The following NEBL variants were observed in gnomAD, a reference collection of about 807,000 sequenced individuals.
The protein encoded by NEBL is nebulette.
Under a neutral mutation model 140.2 loss-of-function variants are expected in NEBL, and 122 were observed. The observed-to-expected ratio is 0.87, with a 90% confidence interval of 0.75 to 1.01. NEBL has a LOEUF of 1.01. Ranked by LOEUF, NEBL falls within the 50% of genes least tolerant of loss-of-function variation. The pLI, the probability that NEBL is intolerant of heterozygous loss-of-function variation, is 0.00. For missense variants in NEBL, 1,365 were observed against 1,231.3 expected, an observed-to-expected ratio of 1.11 and a Z score of -1.62; for synonymous variants, 436 against 398.9, an observed-to-expected ratio of 1.09 and a Z score of -1.11.
At chr10:20,815,985 C>T (rs1838685755) in intron 21 of NEBL, among the ~76,000 whole-genome samples, 1 of 152,054 alleles carries the variant, frequency 6.6e-6, no homozygotes, top group Non-Finnish European at 1.5e-5. Context: ...CCAAGCTGAC[C>T]TGAAACTCCT....
At chr10:20,970,670 T>TATAA (rs1174447068) in intron 3 of NEBL, among the ~76,000 whole-genome samples, 1 of 151,858 alleles carries the variant, frequency 6.6e-6, no homozygotes, top group Middle Eastern at 3.4e-3. Flanking sequence ...ATTAATAGAA[T>TATAA]ATAAATAAAT....
rs182080741 is a variant in NEBL, at chr10:21,072,107, C to T, written c.165-51906G>A. On this transcript the variant is annotated intron_variant, in intron 2 of 6. Coordinates refer to the NEBL transcript ENST00000417816. ...TGCTGGGATTACAGGTATGAGCCAC[C>T]GTGCCTGGCCCATTGGTTTTTTTTT... Among the ~76,000 whole-genome samples, 128 of 152,138 alleles carry T rather than the reference C, an allele frequency of 8.4e-4. 1 individual carries two copies. Among genetic ancestry groups the T allele is most frequent in the African/African-American group, 2.9e-3 (122 of 41,502 alleles).
intron 3 of NEBL, among the ~76,000 whole-genome samples, chr10:21,239,633 C>T (rs971554259): frequency 5.9e-5 from 9 of 152,138 alleles, no homozygotes; most frequent in Non-Finnish European, 1.3e-4. Flanking sequence ...CCAGAACATT[C>T]GGGGCCTTGA....
chr10:21,172,149 C>T (rs779450353), intron 2 of NEBL: 1 of 551,708 alleles, frequency 1.8e-6, no homozygotes, highest in Non-Finnish European at 3.3e-6. Flanking sequence ...ACACTGCGAA[C>T]CTCAAAAACT....
At chr10:21,012,736 A>C (rs1424068736) in intron 3 of NEBL, among the ~76,000 whole-genome samples, 1 of 152,144 alleles carries the variant, frequency 6.6e-6, no homozygotes, top group Non-Finnish European at 1.5e-5. Flanking sequence ...GCCTAATACA[A>C]GGGCCAGTTA....
chr10:20,991,507 C>T (rs760919763), intron 3 of NEBL, among the ~76,000 whole-genome samples: 62 of 152,138 alleles, frequency 4.1e-4, no homozygotes, highest in East Asian at 3.9e-4. Context: ...AAAGAAAGTG[C>T]CCAGCTGACA....
At chr10:21,049,324 A>G (rs1834660993) in intron 2 of NEBL, among the ~76,000 whole-genome samples, 1 of 152,194 alleles carries the variant, frequency 6.6e-6, no homozygotes, top group Non-Finnish European at 1.5e-5. Context: ...TAGCAGGCCC[A>G]CCACACCCAG....
Position 20,906,829 on chromosome 10 carries a change from C to T in NEBL, c.357+54843G>A, listed in dbSNP as rs139449262. ...GCCTCATGTTAATCTCTCCAGTCAACGAACAAAACCAACAAAAATCTCTAA... is the reference window on the plus strand; with the variant it reads ...GCCTCATGTTAATCTCTCCAGTCAATGAACAAAACCAACAAAAATCTCTAA... On this transcript the variant is annotated intron_variant, in intron 4 of 6. Transcript: ENST00000417816. 4.7e-3 allele frequency among the ~76,000 whole-genome samples: 710 copies of T among 152,190 alleles called. 4 individuals carry two copies. The highest frequency in any genetic ancestry group is 0.016 in the African/African-American group (669 of 41,540).
In NEBL at chr10:21,000,623, G is replaced by A. The variant is rs531809649; in HGVS notation, c.249+19494C>T. Among the ~76,000 whole-genome samples the A allele has an allele frequency of 3.3e-5, 5 of 152,254 alleles. 1 individual carries two copies. The South Asian group carries it at 1.0e-3, about 32-fold the overall frequency. On this transcript the variant is annotated intron_variant, in intron 3 of 6. Transcript: ENST00000417816. ...AATAAAATCAAGTGGGTAAGAATTT[G>A]TTTAAATTGAAACTCTGAACATTTT...
At chr10:20,809,181 A>G (rs1837895746) in intron 25 of NEBL, among the ~76,000 whole-genome samples, 1 of 152,178 alleles carries the variant, frequency 6.6e-6, no homozygotes, top group African/African-American at 2.4e-5. Flanking sequence ...TAAATGACAT[A>G]GCTATCTATT....
chr10:20,900,746 G>T (rs1241532359), upstream of NEBL, among the ~76,000 whole-genome samples: 2 of 151,078 alleles, frequency 1.3e-5, no homozygotes, highest in African/African-American at 4.9e-5. Context: ...TAGGGAGGCT[G>T]AGACAGAAGA....
chr10:21,292,805 A>G (rs893691193), intron 1 of NEBL, among the ~76,000 whole-genome samples: 3 of 152,232 alleles, frequency 2.0e-5, no homozygotes, highest in Admixed American at 1.3e-4. Flanking sequence ...TTTCTTTAGA[A>G]CATAAGAGAA....
At chr10:20,974,943 G>T (rs1350782374) in intron 3 of NEBL, among the ~76,000 whole-genome samples, 2 of 152,132 alleles carry the variant, frequency 1.3e-5, no homozygotes, top group Non-Finnish European at 2.9e-5. Flanking sequence ...TTGTGCTTCA[G>T]TTCATCTATT....
In NEBL at chr10:20,876,401, T is replaced by G. The variant is rs141889320; in HGVS notation, c.480+4393A>C. Among the ~76,000 whole-genome samples, 10 of 152,326 alleles carry G rather than the reference T, an allele frequency of 6.6e-5. No homozygotes were observed. The East Asian group carries it at 1.9e-3, about 29-fold the overall frequency. ...TGAATAAAACACTAATATATCTAAT[T>G]TTAATGCTAAATCCTAAAGCACTAT... On this transcript the variant is annotated intron_variant, in intron 5 of 27. Coordinates refer to ENST00000377122, the MANE Select transcript of NEBL (RefSeq NM_006393.3).
At chr10:21,239,181 C>A (rs1412608987) in intron 3 of NEBL, among the ~76,000 whole-genome samples, 1 of 152,084 alleles carries the variant, frequency 6.6e-6, no homozygotes, top group Admixed American at 6.5e-5. Flanking sequence ...CTGCCCAAAG[C>A]CCCTGAATAA....
intron 3 of NEBL, among the ~76,000 whole-genome samples, chr10:21,186,430 C>T (rs1200441556): frequency 6.6e-6 from 1 of 151,926 alleles, no homozygotes; most frequent in Non-Finnish European, 1.5e-5. Context: ...CTTTGGTATC[C>T]ACGAAGGATT....
chr10:20,996,039 C>T (rs770514986), intron 3 of NEBL, among the ~76,000 whole-genome samples: 25 of 152,272 alleles, frequency 1.6e-4, no homozygotes, highest in Admixed American at 5.9e-4. Context: ...CTTATCTTCG[C>T]CAGCAAGGTT....
At chr10:21,213,878 G>A (rs952716306) in intron 3 of NEBL, among the ~76,000 whole-genome samples, 23 of 152,092 alleles carry the variant, frequency 1.5e-4, no homozygotes, top group Non-Finnish European at 2.9e-4. Flanking sequence ...CAACAAGCTC[G>A]AGACACCACA....
Position 21,052,531 on chromosome 10 carries a change from C to T in NEBL, c.165-32330G>A, listed in dbSNP as rs939530664. On this transcript the variant is annotated intron_variant, in intron 2 of 6. Transcript: ENST00000417816. The stretch of plus-strand genomic sequence containing the variant: ...AGTCAGTGGAACAGGGGACTCACCC[C>T]TGCCCTTCATGTGGAAGCTCAGTCA... Among the ~76,000 whole-genome samples, 5 of 152,218 alleles carry T rather than the reference C, an allele frequency of 3.3e-5. No individual in the cohort carries two copies. The East Asian group carries it at 5.8e-4, about 18-fold the overall frequency.
Sources: gnomAD v4.1 joint callset for allele counts (sites outside exome capture counted in the v4.1 genomes callset) on GRCh38, gnomAD v4.1.1 for gene constraint, MANE v1.5 for transcripts, NCBI Gene and HGNC (gene_info 2026-07-23, HGNC 2026-07-21) for gene names.